Variants in ASPM observed in about 807,000 individuals in gnomAD.
ASPM encodes the protein assembly factor for spindle microtubules, also known as abnormal spindle-like microcephaly-associated protein.
ASPM carries 256 observed loss-of-function variants against 366.4 expected under a neutral mutation model. The observed-to-expected ratio is 0.70, with a 90% CI of 0.63 to 0.77. ASPM has a LOEUF of 0.77. Ranked by LOEUF, ASPM falls within the 30% of genes least tolerant of loss-of-function variation. ASPM has a pLI of 0.00. For synonymous variants in ASPM, 1,414 were observed against 1,342.9 expected (o/e 1.05, Z -1.16); for missense variants, 4,146 against 4,090.4 (o/e 1.01, Z -0.37).
In ASPM at chr1:197,086,958, C is replaced by A; in HGVS notation, c.10176G>T (p.Arg3392Ser). Reference sequence around the variant, plus strand: ...TGTAAATACGGTCAACAACTTTGGACCTACTTCGTACATCCTACAAAATAA... The same window carrying A: ...TGTAAATACGGTCAACAACTTTGGAACTACTTCGTACATCCTACAAAATAA... ...TTNRASDVRS[R>S]SKVVDRIYSL... The change falls in exon 27 of 28, where the codon AGG becomes AGT. Residue 3392 changes from arginine (R) to serine (S), a missense_variant. By Grantham distance (110) the Arg-to-Ser change is moderately radical. Coordinates refer to ENST00000367409, the MANE Select transcript of ASPM (RefSeq NM_018136.5). 6.2e-7 allele frequency: 1 copy of A among 1,608,830 alleles called. No individual in the cohort carries two copies. The highest frequency in any genetic ancestry group is 8.5e-7 in the Non-Finnish European group (1 of 1,179,258).
intron 17 of ASPM, among the ~76,000 whole-genome samples, chr1:197,115,674 T>C (rs1657717583): frequency 6.6e-6 from 1 of 152,226 alleles, no homozygotes; most frequent in African/African-American, 2.4e-5. Context: ...TCCTTGTCCA[T>C]GTCCATGACC....
chr1:197,124,252 ATT>A lies in ASPM; in HGVS notation c.3246_3247del (p.Leu1085ThrfsTer6). On this transcript the variant is annotated frameshift_variant, in exon 13 of 28. Coordinates refer to ENST00000367409, the MANE Select transcript of ASPM (RefSeq NM_018136.5). LOFTEE classifies it high-confidence loss of function. ...ATCAGAATGGCATGATAGTAGAGAT[ATT>A]GTTTTCTTTATACTCTTTGTGTGTT... 3.1e-6 allele frequency: 5 copies of A among 1,608,452 alleles called. No individual in the cohort carries two copies. Among genetic ancestry groups the A allele is most frequent in the Non-Finnish European group, 4.3e-6 (5 of 1,175,464 alleles).
rs1557965630 is a variant in ASPM, at chr1:197,143,097, CT to C, written c.1154del (p.Glu385GlyfsTer13). ...TAGGGGATAAAATAGGATTAACTGA[CT>C]CTGATTCTAGATCCTGATTTAGTCC... is the stretch of plus-strand genomic sequence containing the variant. ...NYGLNQDLES[E>X]SVNPILSPNQ... On this transcript the variant is annotated frameshift_variant, in exon 3 of 28. Coordinates refer to ENST00000367409, the MANE Select transcript of ASPM (RefSeq NM_018136.5). LOFTEE classifies it high-confidence loss of function. 1.9e-6 allele frequency: 3 copies of C among 1,613,026 alleles called. No individual in the cohort carries two copies. Among genetic ancestry groups the C allele is most frequent in the Non-Finnish European group, 2.5e-6 (3 of 1,179,186 alleles).
rs572392182 is a variant in ASPM at position 197,123,768 on chromosome 1, G to C, written c.3390+342C>G. On this transcript the variant is annotated intron_variant, in intron 13 of 27. Coordinates refer to ENST00000367409, the MANE Select transcript of ASPM (RefSeq NM_018136.5). Reference sequence around the variant, plus strand: ...TTTGTTCTTCTTCCTCTAACTAGTGGTAAGTTCTTAGTTGTCCCTTTCTGA... The same window carrying C: ...TTTGTTCTTCTTCCTCTAACTAGTGCTAAGTTCTTAGTTGTCCCTTTCTGA... Among the ~76,000 whole-genome samples, 8 of 152,214 alleles carry C rather than the reference G, an allele frequency of 5.3e-5. 1 individual carries two copies. In the South Asian group the frequency reaches 1.0e-3, roughly 20 times the overall value.
In ASPM at chr1:197,128,617, C is replaced by T; in HGVS notation, c.2809G>A (p.Glu937Lys). 6.2e-7 allele frequency: 1 copy of T among 1,613,756 alleles called. No individual in the cohort carries two copies. Among genetic ancestry groups the T allele is most frequent in the Non-Finnish European group, 8.5e-7 (1 of 1,179,734 alleles). The change falls in exon 10 of 28, where the codon GAA becomes AAA. Residue 937 changes from glutamate to lysine, a missense_variant. Glu to Lys is a moderately conservative substitution (Grantham distance 56). Around this residue, in one of 3 missense-constraint regions of ASPM, gnomAD observed 3,624 missense variants for 3,591.7 expected, o/e 1.01. Coordinates refer to ENST00000367409, the MANE Select transcript of ASPM (RefSeq NM_018136.5). ...CCAAGGTGACGGGAAAGGTCACCTT[C>T]ACCACTTAGGAAATCTCGTGAAAAA... The part of the protein sequence containing the change: ...LAFSRDFLSG[E>K]GDLSRHLGLL...
intron 6 of ASPM, 66 bp downstream of exon 6, chr1:197,133,284 A>T: frequency 6.5e-7 from 1 of 1,532,386 alleles, no homozygotes. Context: ...AAGCCGGGGG[A>T]AAAAAACACA....
Position 197,084,343 on chromosome 1 carries a change from G to T in ASPM, c.10415C>A (p.Thr3472Lys). 6.2e-7 allele frequency: 1 copy of T among 1,609,850 alleles called. No homozygotes were observed. The change falls in exon 28 of 28, where the codon ACG becomes AAG. Residue 3472 changes from threonine (T) to lysine (K), a missense_variant. Coordinates refer to ENST00000367409, the MANE Select transcript of ASPM (RefSeq NM_018136.5). Reference protein sequence around the residue: ...PLQAIQMVMDTLGIPY With the variant: ...PLQAIQMVMDKLGIPY ...CATTTACTAATAAGGAATGCCAAGC[G>T]TATCCATCACCATTTGAATAGCTTG...
chr1:197,146,441 A>T lies in ASPM; in HGVS notation c.-4T>A. On this transcript the variant is annotated 5_prime_UTR_variant, in exon 1 of 28. Coordinates refer to ENST00000367409, the MANE Select transcript of ASPM (RefSeq NM_018136.5). Reference sequence around the variant, plus strand: ...GCCCCACTCGCCGGTTCGCCATGGCAGATTCGAGACCCCTCCTGGATCTCC... The same window carrying T: ...GCCCCACTCGCCGGTTCGCCATGGCTGATTCGAGACCCCTCCTGGATCTCC... 1 of 1,606,188 alleles carries T rather than the reference A, an allele frequency of 6.2e-7. No individual in the cohort carries two copies. The highest frequency in any genetic ancestry group is 8.5e-7 in the Non-Finnish European group (1 of 1,179,454).
Position 197,104,928 on chromosome 1 carries a change from T to G in ASPM, c.4323A>C (p.Ser1441=), listed in dbSNP as rs1199411022. ...FRKWKQRKMQ[S]QVKATVILQR... is the part of the protein sequence containing the mutation. ...GCAATATTACTGTAGCTTTTACTTG[T>G]GATTGCATTTTACGTTGCTTCCATT... The change falls in exon 18 of 28, where the codon TCA becomes TCC. Residue 1441 remains serine, a synonymous_variant. Transcript: ENST00000367409. 12 of 1,612,328 alleles carry G rather than the reference T, an allele frequency of 7.4e-6. No homozygotes were observed. The highest frequency in any genetic ancestry group is 1.0e-5 in the Non-Finnish European group (12 of 1,179,188).
rs1085307705 is a variant in ASPM at position 197,122,439 on chromosome 1, A to T, written c.3547T>A (p.Ser1183Thr). The T allele has an allele frequency of 1.9e-6, 3 of 1,613,908 alleles. No homozygotes were observed. In the South Asian group the frequency reaches 3.3e-5, roughly 18 times the overall value. ...QTGSVVLNSSSESDDSSLDMS... is the reference protein window; with the variant it reads ...QTGSVVLNSSTESDDSSLDMS... ...TCCAGAGAACTGTCATCAGATTCAGATGATGAATTTAATACCACTGAACCA... is the reference window on the plus strand; with the variant it reads ...TCCAGAGAACTGTCATCAGATTCAGTTGATGAATTTAATACCACTGAACCA... Residue 1183 changes from serine (S) to threonine (T), a missense_variant, in exon 14 of 28, where the codon TCT becomes ACT. By Grantham distance (58) the Ser-to-Thr change is moderately conservative. This residue lies in a region of ASPM where 3,624 missense variants were observed against 3,591.7 expected (regional missense o/e 1.01). Coordinates refer to ENST00000367409, the MANE Select transcript of ASPM (RefSeq NM_018136.5).
At chr1:197,087,433 G>A (rs1656630597) in intron 26 of ASPM, among the ~76,000 whole-genome samples, 1 of 152,126 alleles carries the variant, frequency 6.6e-6, no homozygotes, top group Non-Finnish European at 1.5e-5. Context: ...TTGGCAGGTA[G>A]ATTGATTTAA....
intron 17 of ASPM, among the ~76,000 whole-genome samples, chr1:197,106,983 C>G (rs182121859): frequency 6.6e-6 from 1 of 152,176 alleles, no homozygotes; most frequent in Admixed American, 6.6e-5. Context: ...CTGTGCCATA[C>G]TTTGTTTTTC....
intron 18 of ASPM, among the ~76,000 whole-genome samples, chr1:197,096,739 T>G (rs1656986401): frequency 6.6e-6 from 1 of 151,710 alleles, no homozygotes; most frequent in African/African-American, 2.4e-5. Context: ...AATAATCACA[T>G]GGGTAGATAA....
chr1:197,084,456 T>G, intron 27 of ASPM, 30 bp from the exon 28 acceptor site: 1 of 1,424,230 alleles, frequency 7.0e-7, no homozygotes, highest in Non-Finnish European at 9.9e-7. Flanking sequence ...AGTCTGGCAT[T>G]AATAAAGTTC....
At chr1:197,139,923 A>C in intron 3 of ASPM, 52 bp from the exon 4 acceptor site, 1 of 1,247,292 alleles carries the variant, frequency 8.0e-7, no homozygotes, top group Non-Finnish European at 1.2e-6. Context: ...AAATTCCCTA[A>C]ATAGGTCAGT....
chr1:197,089,006 AATAAC>A (rs147068597), intron 25 of ASPM, among the ~76,000 whole-genome samples: 45,940 of 151,666 alleles, frequency 0.3, 8,652 homozygotes, highest in Middle Eastern at 0.44. Context: ...CTAAGATAAA[AATAAC>A]AAAACAACAT....
rs150684410 is a variant in ASPM at position 197,142,948 on chromosome 1, G to A, written c.1304C>T (p.Ser435Leu). Residue 435 changes from serine to leucine, a missense_variant, in exon 3 of 28, where the codon TCG becomes TTG. By Grantham distance (145) the Ser-to-Leu change is moderately radical (BLOSUM62 -2). This residue lies in a region of ASPM where 3,624 missense variants were observed against 3,591.7 expected (regional missense o/e 1.01). Transcript: ENST00000367409. ...SPEDWRKSEV[S>L]PRIPECQGSK... ...ACCCTGACATTCAGGAATACGTGGC[G>A]AAACTTCACTTTTTCTCCAATCTTC... 9.6e-5 allele frequency: 155 copies of A among 1,613,812 alleles called. No homozygotes were observed. The highest frequency in any genetic ancestry group is 8.8e-4 in the African/African-American group (66 of 74,896).
chr1:197,129,409 A>G, intron 8 of ASPM, 92 bp from the exon 9 acceptor site: 1 of 1,417,616 alleles, frequency 7.1e-7, no homozygotes, highest in Non-Finnish European at 9.8e-7. Context: ...AGGTGTTAGT[A>G]AAACAAAAAG....
intron 26 of ASPM, among the ~76,000 whole-genome samples, chr1:197,087,475 G>A (rs192236248): frequency 6.6e-6 from 1 of 152,234 alleles, no homozygotes; most frequent in African/African-American, 2.4e-5. Flanking sequence ...CAATTATAAG[G>A]AAGATAAATA....
Sources: gnomAD v4.1 joint callset for allele counts (sites outside exome capture counted in the v4.1 genomes callset) on GRCh38, gnomAD v4.1.1 for gene constraint, gnomAD v4.1.1 regional missense constraint, MANE v1.5 for transcripts, NCBI Gene and HGNC (gene_info 2026-07-23, HGNC 2026-07-21) for gene names.